The following GAREM1 variants were observed in gnomAD, a reference collection of about 807,000 sequenced individuals.
GAREM1 encodes the protein GRB2 associated regulator of MAPK1 subtype 1.
Under a neutral mutation model 71.3 loss-of-function variants are expected in GAREM1, and 26 were observed. The observed-to-expected ratio is 0.36, with a 90% CI of 0.27 to 0.51. The LOEUF is 0.51. GAREM1 is among the 20% of genes least tolerant of loss of function. The pLI is 0.95. For synonymous variants in GAREM1, 440 were observed against 433.2 expected (o/e 1.02, Z -0.20); for missense variants, 1,026 against 1,103.1 (o/e 0.93, Z 0.99).
chr18:32,418,156 TAA>T (rs2048481955), intron 1 of GAREM1, among the ~76,000 whole-genome samples: 1 of 152,220 alleles, frequency 6.6e-6, no homozygotes, highest in South Asian at 2.1e-4. Flanking sequence ...GGAAAGTAGA[TAA>T]AGTGTCTAAA....
chr18:32,272,624 G>C (rs58018218), intron 4 of GAREM1, among the ~76,000 whole-genome samples: 2 of 151,530 alleles, frequency 1.3e-5, no homozygotes, highest in Admixed American at 6.6e-5. Flanking sequence ...ACCATTCTGG[G>C]GTCTTTTTTT....
chr18:32,310,069 C>T, intron 3 of GAREM1, 124 bp downstream of exon 3: 1 of 1,018,088 alleles, frequency 9.8e-7, no homozygotes. Flanking sequence ...TGGCTACTGC[C>T]ACTAACTATT....
rs545718004 is a variant in GAREM1, at chr18:32,353,240, A to G, written c.262+39655T>C. ...TAACAAAGTCAGAAACATATTTTTCAACAAATATCTTTTGAGGGCATATTG... is the reference window on the plus strand; with the variant it reads ...TAACAAAGTCAGAAACATATTTTTCGACAAATATCTTTTGAGGGCATATTG... On this transcript the variant is annotated intron_variant, in intron 2 of 5. Coordinates refer to ENST00000269209, the MANE Select transcript of GAREM1 (RefSeq NM_001242409.2). Among the ~76,000 whole-genome samples the G allele has an allele frequency of 1.9e-4, 29 of 152,356 alleles. No individual in the cohort carries two copies. The South Asian group carries it at 5.8e-3, about 30-fold the overall frequency.
intron 1 of GAREM1, among the ~76,000 whole-genome samples, chr18:32,394,023 T>C (rs1182676932): frequency 6.6e-6 from 1 of 152,234 alleles, no homozygotes; most frequent in African/African-American, 2.4e-5. Flanking sequence ...TTTCAGTACT[T>C]TTTCAATAAA....
chr18:32,300,906 C>CAAAA (rs764891353), intron 3 of GAREM1, among the ~76,000 whole-genome samples: 32 of 83,188 alleles, frequency 3.8e-4, no homozygotes, highest in Middle Eastern at 7.1e-3. Flanking sequence ...AACTCCGTCT[C>CAAAA]AAAAAAAAAA....
chr18:32,293,440 G>C (rs1025993907), intron 3 of GAREM1, among the ~76,000 whole-genome samples: 1 of 152,116 alleles, frequency 6.6e-6, no homozygotes, highest in Non-Finnish European at 1.5e-5. Flanking sequence ...TAAAGACCAC[G>C]ATGAATTATA....
chr18:32,363,907 C>G (rs2047891043), intron 2 of GAREM1, among the ~76,000 whole-genome samples: 1 of 145,146 alleles, frequency 6.9e-6, no homozygotes, highest in Non-Finnish European at 1.5e-5. Flanking sequence ...AGGTTATACA[C>G]ACACACACAC....
intron 2 of GAREM1, among the ~76,000 whole-genome samples, chr18:32,378,205 A>G (rs949637729): frequency 5.9e-5 from 9 of 152,130 alleles, no homozygotes; most frequent in Admixed American, 2.0e-4. Context: ...TTGATCAAAT[A>G]AAAGAACTGC....
intron 2 of GAREM1, among the ~76,000 whole-genome samples, chr18:32,365,547 G>A (rs915807408): frequency 6.6e-5 from 10 of 152,120 alleles, no homozygotes; most frequent in Non-Finnish European, 1.3e-4. Flanking sequence ...CCACAATGAG[G>A]AAATGGGAAG....
chr18:32,416,880 A>C (rs2048471222), intron 1 of GAREM1, among the ~76,000 whole-genome samples: 1 of 152,168 alleles, frequency 6.6e-6, no homozygotes, highest in Non-Finnish European at 1.5e-5. Flanking sequence ...GGGTCACATA[A>C]AGTAAGAAGG....
chr18:32,332,251 G>C (rs1598967109), intron 2 of GAREM1, among the ~76,000 whole-genome samples: 1 of 151,982 alleles, frequency 6.6e-6, no homozygotes, highest in Non-Finnish European at 1.5e-5. Flanking sequence ...GCGGGGCCGG[G>C]AAGAGCGCAT....
chr18:32,427,142 CA>C (rs1049361870), intron 1 of GAREM1, among the ~76,000 whole-genome samples: 2 of 152,080 alleles, frequency 1.3e-5, no homozygotes, highest in African/African-American at 4.8e-5. Flanking sequence ...TTTTGAGAGC[CA>C]TATACATTTG....
intron 2 of GAREM1, among the ~76,000 whole-genome samples, chr18:32,373,369 T>A (rs2048003882): frequency 6.6e-6 from 1 of 152,164 alleles, no homozygotes; most frequent in African/African-American, 2.4e-5. Context: ...CTGATGAATG[T>A]CTGTATCCCC....
intron 2 of GAREM1, among the ~76,000 whole-genome samples, chr18:32,376,674 T>C (rs1379088106): frequency 6.6e-6 from 1 of 151,398 alleles, no homozygotes. Context: ...CCCATCTCTA[T>C]TAAAAATGCA....
chr18:32,346,384 C>G (rs2047696751), intron 2 of GAREM1, among the ~76,000 whole-genome samples: 4 of 152,072 alleles, frequency 2.6e-5, no homozygotes, highest in Admixed American at 2.6e-4. Flanking sequence ...TATAAACTAC[C>G]ATTACAATTG....
chr18:32,364,332 G>A (rs540719817), intron 2 of GAREM1, among the ~76,000 whole-genome samples: 1 of 151,612 alleles, frequency 6.6e-6, no homozygotes, highest in East Asian at 2.0e-4. Flanking sequence ...ACTACACCCG[G>A]CCAAGGTTAT....
intron 4 of GAREM1, among the ~76,000 whole-genome samples, chr18:32,284,748 CTTACTTT>C (rs1284601264): frequency 5.6e-5 from 7 of 125,958 alleles, no homozygotes; most frequent in African/African-American, 2.2e-4. Flanking sequence ...GGGGTGCCCC[CTTACTTT>C]TTTTTTTTTT....
chr18:32,372,459 C>CTTGAAATGTTAAAATGTTAAAA, intron 2 of GAREM1, among the ~76,000 whole-genome samples: 1 of 152,162 alleles, frequency 6.6e-6, no homozygotes, highest in Non-Finnish European at 1.5e-5. Flanking sequence ...AAAAATTACC[C>CTTGAAATGTTAAAATGTTAAAA]ACTTGAAATG....
chr18:32,278,905 G>T (rs2041577437), intron 4 of GAREM1, among the ~76,000 whole-genome samples: 1 of 152,056 alleles, frequency 6.6e-6, no homozygotes, highest in South Asian at 2.1e-4. Flanking sequence ...TGATGATAAG[G>T]ACCTAAGACA....
Sources: allele counts gnomAD v4.1 joint callset (sites outside exome capture counted in the v4.1 genomes callset), GRCh38; gene constraint gnomAD v4.1.1; transcripts MANE v1.5; gene names NCBI Gene and HGNC (gene_info 2026-07-23, HGNC 2026-07-21).